The following FRMD4A variants were observed in gnomAD, a reference collection of about 807,000 sequenced individuals.
FRMD4A encodes the protein FERM domain-containing protein 4A.
A neutral mutation model predicts 129.1 loss-of-function variants in FRMD4A; 29 were observed. The ratio of observed to expected loss-of-function variants is 0.22; its 90% confidence interval spans 0.17 to 0.31. The LOEUF (loss-of-function observed/expected upper bound fraction) is 0.31. Ranked by LOEUF, FRMD4A falls within the 10% of genes least tolerant of loss-of-function variation. The pLI, the probability that FRMD4A is intolerant of heterozygous loss-of-function variation, is 1.00. For missense variants in FRMD4A, 1,272 were observed against 1,375.8 expected (o/e 0.92, Z 1.19); for synonymous variants, 634 against 571.6 (o/e 1.11, Z -1.56).
chr10:13,804,461 G>T (rs948300391), intron 4 of FRMD4A, among the ~76,000 whole-genome samples: 1 of 152,254 alleles, frequency 6.6e-6, no homozygotes, highest in Admixed American at 6.5e-5. Context: ...ACCCAAGCTC[G>T]CTCCCGTGCA....
intron 2 of FRMD4A, among the ~76,000 whole-genome samples, chr10:13,952,823 A>C (rs1388340004): frequency 6.6e-6 from 1 of 152,014 alleles, no homozygotes; most frequent in Non-Finnish European, 1.5e-5. Context: ...CCTCCCGAGT[A>C]GCTGGGACCA....
At chr10:13,699,352 C>A (rs955519198) in intron 14 of FRMD4A, among the ~76,000 whole-genome samples, 1 of 148,744 alleles carries the variant, frequency 6.7e-6, no homozygotes, top group African/African-American at 2.5e-5. Context: ...ACTGAGATTA[C>A]AGGCGTGAGC....
At chr10:14,030,694 T>C (rs1308005780) in intron 2 of FRMD4A, among the ~76,000 whole-genome samples, 1 of 152,256 alleles carries the variant, frequency 6.6e-6, no homozygotes, top group Non-Finnish European at 1.5e-5. Flanking sequence ...TTTGCTTCTA[T>C]AGGGCCCCTG....
intron 2 of FRMD4A, among the ~76,000 whole-genome samples, chr10:14,164,951 C>T (rs552815490): frequency 1.3e-5 from 2 of 152,234 alleles, no homozygotes; most frequent in South Asian, 2.1e-4. Context: ...AGACAATTCT[C>T]CTTCCAGTGT....
At chr10:14,084,688 A>G (rs997742413) in intron 2 of FRMD4A, among the ~76,000 whole-genome samples, 5 of 152,102 alleles carry the variant, frequency 3.3e-5, no homozygotes, top group Non-Finnish European at 5.9e-5. Context: ...ATGGGACACA[A>G]CCCTTCTGCC....
At chr10:13,737,665 A>G (rs1341951904) in intron 12 of FRMD4A, among the ~76,000 whole-genome samples, 179 bp downstream of exon 12, 1 of 152,118 alleles carries the variant, frequency 6.6e-6, no homozygotes, top group African/African-American at 2.4e-5. Flanking sequence ...AAAAAAAAGA[A>G]AAAATATTTA....
intron 12 of FRMD4A, among the ~76,000 whole-genome samples, 162 bp downstream of exon 12, chr10:13,737,682 G>A (rs967034345): frequency 1.3e-5 from 2 of 151,942 alleles, no homozygotes; most frequent in African/African-American, 4.8e-5. Context: ...TTTACCCAGG[G>A]AACTCAGATG....
chr10:13,949,188 C>T (rs1027600040), intron 2 of FRMD4A, among the ~76,000 whole-genome samples: 3 of 150,156 alleles, frequency 2.0e-5, no homozygotes, highest in Non-Finnish European at 2.9e-5. Flanking sequence ...CTTTCAAGAT[C>T]GATAAACTCA....
intron 2 of FRMD4A, among the ~76,000 whole-genome samples, chr10:14,300,160 T>C (rs1846138099): frequency 1.3e-5 from 2 of 152,078 alleles, no homozygotes; most frequent in South Asian, 2.1e-4. Context: ...TGTATTTCCT[T>C]AGCAAAATAA....
At chr10:13,774,779 A>G (rs779995177) in intron 6 of FRMD4A, among the ~76,000 whole-genome samples, 22 of 152,218 alleles carry the variant, frequency 1.4e-4, no homozygotes, top group Non-Finnish European at 2.8e-4. Flanking sequence ...AGCCTCGTAC[A>G]GGAAAGAGAG....
chr10:14,165,054 A>G (rs140538351), intron 2 of FRMD4A, among the ~76,000 whole-genome samples: 1 of 152,358 alleles, frequency 6.6e-6, no homozygotes, highest in East Asian at 1.9e-4. Flanking sequence ...AAAAGAAACT[A>G]TCAACAGAGT....
intron 3 of FRMD4A, among the ~76,000 whole-genome samples, chr10:13,837,737 G>A (rs913331932): frequency 6.6e-6 from 1 of 152,128 alleles, no homozygotes; most frequent in Non-Finnish European, 1.5e-5. Flanking sequence ...CATGCACTAC[G>A]CCCAGCTTTC....
chr10:13,918,812 G>C (rs1801369509), intron 2 of FRMD4A, among the ~76,000 whole-genome samples: 1 of 151,472 alleles, frequency 6.6e-6, no homozygotes, highest in African/African-American at 2.4e-5. Context: ...ACAGGCATGA[G>C]CCATCATGCC....
At chr10:13,698,327 CCAGTA>C (rs1304802586) in intron 14 of FRMD4A, among the ~76,000 whole-genome samples, 1 of 152,070 alleles carries the variant, frequency 6.6e-6, no homozygotes, top group African/African-American at 2.4e-5. Flanking sequence ...TTGGCATGTC[CCAGTA>C]CAGTAGAGTG....
chr10:13,942,689 C>A (rs941899014), intron 2 of FRMD4A, among the ~76,000 whole-genome samples: 2 of 152,042 alleles, frequency 1.3e-5, no homozygotes, highest in Non-Finnish European at 2.9e-5. Context: ...AATCCCAGCA[C>A]TTTAGGAGGC....
At chr10:13,977,701 T>C (rs555425864) in intron 2 of FRMD4A, among the ~76,000 whole-genome samples, 1 of 152,342 alleles carries the variant, frequency 6.6e-6, no homozygotes, top group African/African-American at 2.4e-5. Flanking sequence ...CAGCCTTTAG[T>C]CTCCTTTCTG....
chr10:14,280,426 G>T (rs1001419841), intron 2 of FRMD4A, among the ~76,000 whole-genome samples: 5 of 152,014 alleles, frequency 3.3e-5, no homozygotes, highest in African/African-American at 9.7e-5. Flanking sequence ...GACTATAGGT[G>T]CCTCTGGCTC....
intron 2 of FRMD4A, among the ~76,000 whole-genome samples, chr10:14,132,788 G>A (rs1313546802): frequency 1.3e-5 from 2 of 152,224 alleles, no homozygotes; most frequent in Non-Finnish European, 2.9e-5. Context: ...GCCTGCTGGT[G>A]GGAAGCTCTG....
At chr10:14,085,653 C>T (rs998077964) in intron 2 of FRMD4A, among the ~76,000 whole-genome samples, 2 of 152,326 alleles carry the variant, frequency 1.3e-5, no homozygotes, top group South Asian at 2.1e-4. Flanking sequence ...AGAGCTCAGC[C>T]TGTGGAACAC....
Sources: gnomAD v4.1 joint callset for allele counts (sites outside exome capture counted in the v4.1 genomes callset) on GRCh38, gnomAD v4.1.1 for gene constraint, MANE v1.5 for transcripts, NCBI Gene and HGNC (gene_info 2026-07-23, HGNC 2026-07-21) for gene names.